Variants in SLC6A6 observed in about 807,000 individuals in gnomAD.
SLC6A6 encodes the protein sodium- and chloride-dependent taurine transporter.
Under a neutral mutation model 68.8 loss-of-function variants are expected in SLC6A6, and 16 were observed. The observed-to-expected ratio is 0.23, with a 90% CI of 0.16 to 0.35. The LOEUF (loss-of-function observed/expected upper bound fraction) is 0.35, where lower values mean the gene tolerates loss of function less well. Ranked by LOEUF, SLC6A6 falls within the 10% of genes least tolerant of loss-of-function variation. The probability of loss-of-function intolerance (pLI) is 1.00; values close to 1 mark genes in which losing one functional copy is unlikely to be tolerated. For missense variants in SLC6A6, 474 were observed against 802.8 expected (o/e 0.59, Z 4.95); for synonymous variants, 312 against 315.4 (o/e 0.99, Z 0.12).
rs1189332511 is a variant in SLC6A6 at position 14,485,742 on chromosome 3, T to A, written c.*735T>A. 6.6e-6 allele frequency: 1 copy of A among 152,620 alleles called. No individual in the cohort carries two copies. Among genetic ancestry groups the A allele is most frequent in the African/African-American group, 2.4e-5 (1 of 41,468 alleles). 9.5% of individuals were successfully genotyped at this position (152,620 alleles called of 1,614,324 possible). ...TGATTCTAAGAGCAGTAGAAACTTG[T>A]ACCAGAAGCAAAATCCCACTTTTAA... On this transcript the variant is annotated 3_prime_UTR_variant, in exon 15 of 15. Coordinates refer to ENST00000622186, the MANE Select transcript of SLC6A6 (RefSeq NM_003043.6).
intron 1 of SLC6A6, among the ~76,000 whole-genome samples, chr3:14,407,933 T>C (rs913378636): frequency 2.0e-5 from 3 of 150,448 alleles, no homozygotes; most frequent in African/African-American, 7.4e-5. Flanking sequence ...ATCTGTGCTG[T>C]TGAGTATATC....
At chr3:14,482,090 A>T (rs1228794288) in intron 14 of SLC6A6, among the ~76,000 whole-genome samples, 1 of 152,342 alleles carries the variant, frequency 6.6e-6, no homozygotes, top group South Asian at 2.1e-4. Context: ...GGAACTTGCC[A>T]GATGGAGAAT....
rs1700968175 is a variant in SLC6A6, at chr3:14,479,853, AG to A, written c.1551+669del. On this transcript the variant is annotated intron_variant, in intron 13 of 14. Transcript: ENST00000622186. Reference sequence around the variant, plus strand: ...AGTGAGTGGAATTCCTCCATGGCAAAGCCGTCAGGGTTTGCAATCACTTGTG... The same window carrying A: ...AGTGAGTGGAATTCCTCCATGGCAAACCGTCAGGGTTTGCAATCACTTGTG... Among the ~76,000 whole-genome samples the A allele has an allele frequency of 4.6e-5, 7 of 152,334 alleles. 1 individual carries two copies. The South Asian group carries it at 1.4e-3, about 32-fold the overall frequency.
intron 5 of SLC6A6, among the ~76,000 whole-genome samples, chr3:14,448,517 AC>A (rs988993968): frequency 6.6e-6 from 1 of 152,176 alleles, no homozygotes; most frequent in African/African-American, 2.4e-5. Context: ...TGGGCTTGTC[AC>A]CGGCCACTAA....
At chr3:14,462,984 A>G (rs538601709) in intron 6 of SLC6A6, among the ~76,000 whole-genome samples, 66 of 152,318 alleles carry the variant, frequency 4.3e-4, no homozygotes, top group African/African-American at 1.4e-3. Context: ...TGTATCTCAC[A>G]ACTCTCTGCT....
chr3:14,461,622 CT>C (rs1700497290), intron 6 of SLC6A6, among the ~76,000 whole-genome samples: 1 of 152,232 alleles, frequency 6.6e-6, no homozygotes, highest in African/African-American at 2.4e-5. Context: ...TCCGGAGCAG[CT>C]CTTTTTGCCT....
rs9841131 is a variant in SLC6A6, at chr3:14,486,428, C to G, written c.*1421C>G. ...AGCTGGGTTTACAGACATTTACCACCTGCGGACCCAAAAGAGAAGGCCTAG... is the reference window on the plus strand; with the variant it reads ...AGCTGGGTTTACAGACATTTACCACGTGCGGACCCAAAAGAGAAGGCCTAG... On this transcript the variant is annotated 3_prime_UTR_variant, in exon 15 of 15. Transcript: ENST00000622186. 8,733 of 152,674 alleles carry G rather than the reference C, an allele frequency of 0.057. 325 individuals carry two copies. Among genetic ancestry groups the G allele is most frequent in the African/African-American group, 0.11 (4,640 of 41,502 alleles). 9.5% of individuals were successfully genotyped at this position (152,674 alleles called of 1,614,324 possible). A position where few individuals can be genotyped will look rare whatever the true frequency, so the allele number is the denominator to read the frequency against.
chr3:14,428,364 G>A (rs994293215), intron 2 of SLC6A6, among the ~76,000 whole-genome samples: 5 of 152,330 alleles, frequency 3.3e-5, no homozygotes, highest in South Asian at 4.1e-4. Flanking sequence ...GCAGGGCCTC[G>A]GCTCAGAGCC....
At chr3:14,446,061 C>T (rs1387417230) in intron 4 of SLC6A6, among the ~76,000 whole-genome samples, 5 of 152,220 alleles carry the variant, frequency 3.3e-5, no homozygotes, top group Non-Finnish European at 7.3e-5. Context: ...GTGCCTAGCA[C>T]GCAGTAGCTG....
chr3:14,480,243 G>A (rs1700977141), intron 13 of SLC6A6, among the ~76,000 whole-genome samples: 1 of 152,206 alleles, frequency 6.6e-6, no homozygotes, highest in African/African-American at 2.4e-5. Context: ...GTAATGGTAA[G>A]AGCCAGTAAC....
intron 5 of SLC6A6, among the ~76,000 whole-genome samples, chr3:14,449,580 A>G (rs1431574709): frequency 6.6e-6 from 1 of 152,116 alleles, no homozygotes; most frequent in African/African-American, 2.4e-5. Context: ...CCTGGGTTTG[A>G]ACCCTCACTT....
chr3:14,407,881 A>G (rs1699145868), intron 1 of SLC6A6, among the ~76,000 whole-genome samples: 1 of 151,340 alleles, frequency 6.6e-6, no homozygotes, highest in African/African-American at 2.4e-5. Flanking sequence ...TTTAGTGTAT[A>G]CTCTTTTGTC....
At chr3:14,461,920 T>C (rs62233561) in intron 6 of SLC6A6, among the ~76,000 whole-genome samples, 10,778 of 152,212 alleles carry the variant, frequency 0.071, 731 homozygotes, top group African/African-American at 0.18. Context: ...TCCCAAAGGA[T>C]GCCCGGCTCC....
rs1171306420 is a variant in SLC6A6 at position 14,477,737 on chromosome 3, G to A, written c.1347+395G>A. On this transcript the variant is annotated intron_variant, in intron 11 of 14. Coordinates refer to ENST00000622186, the MANE Select transcript of SLC6A6 (RefSeq NM_003043.6). This position sits in a 1 kb window ranked among gnomAD's most constrained non-coding sequence, Gnocchi z 4.2. ...CCAGGAAATACCACAGCACCACGTA[G>A]AGGTGCACCACCTTGCAGGTCACCT... Among the ~76,000 whole-genome samples the A allele has an allele frequency of 6.6e-6, 1 of 152,178 alleles. No individual in the cohort carries two copies. Among genetic ancestry groups the A allele is most frequent in the Admixed American group, 6.5e-5 (1 of 15,284 alleles).
chr3:14,444,844 C>T (rs1012734114), intron 3 of SLC6A6: 2 of 456,060 alleles, frequency 4.4e-6, no homozygotes, highest in African/African-American at 4.0e-5. Context: ...TATGGACCCG[C>T]TGAAGCCATT....
At chr3:14,467,761 T>C in intron 7 of SLC6A6, 92 bp from the exon 8 acceptor site, 1 of 713,232 alleles carries the variant, frequency 1.4e-6, no homozygotes, top group Non-Finnish European at 2.4e-6. Flanking sequence ...CCCCAGGCCA[T>C]CGCCAGGTGG....
chr3:14,477,185 C>G lies in SLC6A6; in HGVS notation c.1210-20C>G. On this transcript the variant is annotated intron_variant, in intron 10 of 14. Transcript: ENST00000622186. The surrounding 1 kb of genome is among the most constrained non-coding windows in gnomAD (Gnocchi z 4.2). ...CCTGAGCGTCAGCCGCTCACCAGCT[C>G]TCTCTCTTCCCCTCCTCAGTTTGTT... 1 of 1,604,600 alleles carries G rather than the reference C, an allele frequency of 6.2e-7. No individual in the cohort carries two copies. The highest frequency in any genetic ancestry group is 8.5e-7 in the Non-Finnish European group (1 of 1,173,222).
chr3:14,451,384 G>T (rs1700248126), intron 5 of SLC6A6, among the ~76,000 whole-genome samples: 1 of 152,226 alleles, frequency 6.6e-6, no homozygotes, highest in Non-Finnish European at 1.5e-5. Context: ...GGCAGAAAAG[G>T]AGAGTGACAA....
chr3:14,429,764 T>C (rs1272857056), intron 2 of SLC6A6, among the ~76,000 whole-genome samples: 1 of 152,208 alleles, frequency 6.6e-6, no homozygotes, highest in Admixed American at 6.5e-5. Flanking sequence ...CTGATGTTCC[T>C]CATGTGAGGA....
Sources: gnomAD v4.1 joint callset for allele counts (sites outside exome capture counted in the v4.1 genomes callset) on GRCh38, gnomAD v4.1.1 for gene constraint, Gnocchi (gnomAD v3.1) non-coding constraint, MANE v1.5 for transcripts, NCBI Gene and HGNC (gene_info 2026-07-23, HGNC 2026-07-21) for gene names.